CSRNP3: variants seen among roughly 807,000 people sequenced by gnomAD.
The protein encoded by CSRNP3 is cysteine/serine-rich nuclear protein 3.
A neutral mutation model predicts 48.0 loss-of-function variants in CSRNP3; 12 were observed. The ratio of observed to expected loss-of-function variants is 0.25; its 90% confidence interval spans 0.16 to 0.41. The LOEUF (loss-of-function observed/expected upper bound fraction) is 0.41. Ranked by LOEUF, CSRNP3 falls within the 10% of genes least tolerant of loss-of-function variation. The pLI, the probability that CSRNP3 is intolerant of heterozygous loss-of-function variation, is 1.00. For synonymous variants in CSRNP3, 263 were observed against 269.7 expected, an observed-to-expected ratio of 0.98 and a Z score of 0.24; for missense variants, 580 against 724.4, an observed-to-expected ratio of 0.80 and a Z score of 2.29.
At chr2:165,489,088 G>A (rs1684164094) in intron 1 of CSRNP3, among the ~76,000 whole-genome samples, 1 of 148,472 alleles carries the variant, frequency 6.7e-6, no homozygotes, top group Non-Finnish European at 1.5e-5. Flanking sequence ...GAATCAAATA[G>A]ACACAATAAA....
intron 5 of CSRNP3, among the ~76,000 whole-genome samples, chr2:165,669,777 T>C (rs550141931): frequency 3.1e-4 from 47 of 152,254 alleles, no homozygotes; most frequent in African/African-American, 1.1e-3. Context: ...AGTGTCATCA[T>C]TGAAACCAAG....
chr2:165,673,818 C>T (rs1353001262), intron 5 of CSRNP3, among the ~76,000 whole-genome samples: 2 of 151,964 alleles, frequency 1.3e-5, no homozygotes, highest in East Asian at 1.9e-4. Context: ...GTCAGGAGTT[C>T]GAGACCAGCC....
chr2:165,514,399 A>T (rs1207499469), intron 2 of CSRNP3, among the ~76,000 whole-genome samples: 1 of 152,264 alleles, frequency 6.6e-6, no homozygotes, highest in African/African-American at 2.4e-5. Flanking sequence ...GCAAAGGAAG[A>T]GTAGCTGCCC....
chr2:165,556,944 A>G (rs1574836241), intron 3 of CSRNP3, among the ~76,000 whole-genome samples: 1 of 152,146 alleles, frequency 6.6e-6, no homozygotes, highest in African/African-American at 2.4e-5. Flanking sequence ...TAACTTATCT[A>G]TTTGGATTGG....
intron 4 of CSRNP3, among the ~76,000 whole-genome samples, chr2:165,595,955 C>A (rs957223251): frequency 4.0e-4 from 61 of 152,028 alleles, no homozygotes; most frequent in African/African-American, 1.3e-3. Flanking sequence ...TGGCACCACA[C>A]CCAACTAATT....
chr2:165,553,435 C>T (rs1348849344), intron 3 of CSRNP3, among the ~76,000 whole-genome samples: 3 of 152,172 alleles, frequency 2.0e-5, no homozygotes, highest in Non-Finnish European at 2.9e-5. Context: ...TACAGCCAAA[C>T]GTGGCTGGAG....
chr2:165,489,078 G>A (rs994782554), intron 1 of CSRNP3, among the ~76,000 whole-genome samples: 1 of 147,482 alleles, frequency 6.8e-6, no homozygotes, highest in African/African-American at 2.6e-5. Context: ...AAAGAGAGAA[G>A]AATCAAATAG....
intron 2 of CSRNP3, among the ~76,000 whole-genome samples, chr2:165,499,534 T>C (rs74628596): frequency 0.024 from 3,643 of 152,240 alleles, 130 homozygotes; most frequent in African/African-American, 0.083. Context: ...GTTTAAGGAA[T>C]TTGTAAATAC....
intron 1 of CSRNP3, among the ~76,000 whole-genome samples, chr2:165,478,550 C>G (rs184038638): frequency 5.6e-4 from 86 of 152,296 alleles, no homozygotes; most frequent in African/African-American, 1.9e-3. Flanking sequence ...CCTTTACTCT[C>G]ATGTCTTGTC....
chr2:165,601,277 G>A (rs1685910142), intron 4 of CSRNP3, among the ~76,000 whole-genome samples: 1 of 152,096 alleles, frequency 6.6e-6, no homozygotes, highest in African/African-American at 2.4e-5. Context: ...GCCCTCTCAA[G>A]GTTCTTGGCA....
At chr2:165,534,226 A>G (rs1359223591) in intron 3 of CSRNP3, among the ~76,000 whole-genome samples, 2 of 152,026 alleles carry the variant, frequency 1.3e-5, no homozygotes, top group African/African-American at 2.4e-5. Context: ...TTTGGCCCTC[A>G]TAATATTTAC....
intron 5 of CSRNP3, among the ~76,000 whole-genome samples, chr2:165,666,103 A>G (rs1687190535): frequency 9.4e-5 from 11 of 117,120 alleles, no homozygotes; most frequent in African/African-American, 1.3e-4. Flanking sequence ...GAGAGAGAGG[A>G]AGAAAGAAAG....
At chr2:165,506,757 G>T (rs372597191) in intron 2 of CSRNP3, among the ~76,000 whole-genome samples, 1 of 152,060 alleles carries the variant, frequency 6.6e-6, no homozygotes, top group Admixed American at 6.6e-5. Flanking sequence ...CACCCGTCAC[G>T]AACTCTATTT....
chr2:165,593,096 C>G (rs535421949), intron 3 of CSRNP3, among the ~76,000 whole-genome samples: 1 of 152,260 alleles, frequency 6.6e-6, no homozygotes, highest in African/African-American at 2.4e-5. Flanking sequence ...CCACCGCGCC[C>G]GGCCTAAACC....
chr2:165,646,620 T>C (rs1201247805), intron 4 of CSRNP3, among the ~76,000 whole-genome samples: 1 of 152,188 alleles, frequency 6.6e-6, no homozygotes, highest in East Asian at 1.9e-4. Context: ...CACTGAGATA[T>C]TCCATGTCCC....
chr2:165,516,481 T>A (rs888383253), intron 2 of CSRNP3, among the ~76,000 whole-genome samples: 1 of 152,156 alleles, frequency 6.6e-6, no homozygotes, highest in African/African-American at 2.4e-5. Flanking sequence ...ACAAAAATGA[T>A]AACTATATGA....
chr2:165,492,724 T>TAAAA (rs11304265), intron 1 of CSRNP3, among the ~76,000 whole-genome samples: 36 of 110,122 alleles, frequency 3.3e-4, no homozygotes, highest in Middle Eastern at 5.5e-3. Context: ...ACTATTAGAG[T>TAAAA]AAAAAAAAAA....
At chr2:165,655,300 T>C (rs1686984578) in intron 4 of CSRNP3, among the ~76,000 whole-genome samples, 1 of 152,230 alleles carries the variant, frequency 6.6e-6, no homozygotes, top group Admixed American at 6.5e-5. Flanking sequence ...GCGAAAAGAC[T>C]GTGCTCTGAA....
chr2:165,480,754 A>G (rs1385295506), intron 1 of CSRNP3, among the ~76,000 whole-genome samples: 1 of 144,738 alleles, frequency 6.9e-6, no homozygotes, highest in African/African-American at 2.5e-5. Flanking sequence ...AAGTATATAT[A>G]TTTTATATTA....
Sources: allele counts gnomAD v4.1 joint callset (sites outside exome capture counted in the v4.1 genomes callset), GRCh38; gene constraint gnomAD v4.1.1; transcripts MANE v1.5; gene names NCBI Gene and HGNC (gene_info 2026-07-23, HGNC 2026-07-21).